Variants in GCC2 observed in about 807,000 individuals in gnomAD.
GCC2 encodes GRIP and coiled-coil domain-containing protein 2.
GCC2 carries 120 observed loss-of-function variants against 210.6 expected under a neutral mutation model. The ratio of observed to expected loss-of-function variants is 0.57; its 90% CI spans 0.49 to 0.66. GCC2 has a LOEUF of 0.66. Ranked by LOEUF, GCC2 falls within the 30% of genes least tolerant of loss-of-function variation. GCC2 has a pLI of 0.00. For missense variants in GCC2, 1,868 were observed against 1,871.9 expected, an observed-to-expected ratio of 1.00 and a Z score of 0.04; for synonymous variants, 703 against 652.7, an observed-to-expected ratio of 1.08 and a Z score of -1.17.
At chr2:108,500,829 C>T (rs1216051747) in intron 22 of GCC2, among the ~76,000 whole-genome samples, 1 of 152,166 alleles carries the variant, frequency 6.6e-6, no homozygotes, top group Non-Finnish European at 1.5e-5. Context: ...AAATCCCACA[C>T]ATCATTTCTT....
In GCC2 at chr2:108,507,900, C is replaced by A. The variant is rs13386343; in HGVS notation, c.*270C>A. On this transcript the variant is annotated 3_prime_UTR_variant, in exon 23 of 23. Transcript: ENST00000309863. ...AAACCACCAGGAATGAATTCACTCCCCACTTCTCTGGAACCTCAGGACCCG... is the reference window on the plus strand; with the variant it reads ...AAACCACCAGGAATGAATTCACTCCACACTTCTCTGGAACCTCAGGACCCG... 115,241 of 294,994 alleles carry A rather than the reference C, an allele frequency of 0.39. 25,401 individuals carry two copies. The highest frequency in any genetic ancestry group is 0.85 in the East Asian group (10,472 of 12,290). The allele number at this position is 294,994 out of a possible 1,614,324, so 18.3% of individuals were successfully genotyped here. A position where few individuals can be genotyped will look rare whatever the true frequency, so the allele number is the denominator to read the frequency against.
In GCC2 at chr2:108,456,778, C is replaced by T. The variant is rs1287543899; in HGVS notation, c.216+4312C>T. ...CCAGCCTGAGAAACATAGCAAGATC[C>T]GTTTCTACAAAAAAATATAAATTAG... On this transcript the variant is annotated intron_variant, in intron 4 of 22. Coordinates refer to ENST00000309863, the MANE Select transcript of GCC2 (RefSeq NM_181453.4). Among the ~76,000 whole-genome samples the T allele has an allele frequency of 2.6e-5, 4 of 151,846 alleles. 1 individual carries two copies. Among genetic ancestry groups the T allele is most frequent in the South Asian group, 4.2e-4 (2 of 4,806 alleles).
chr2:108,469,131 G>T (rs13424452), intron 5 of GCC2, 47 bp downstream of exon 5: 2 of 1,091,468 alleles, frequency 1.8e-6, no homozygotes, highest in African/African-American at 3.1e-5. Context: ...AACATATAGT[G>T]TAGTCATTAA....
intron 3 of GCC2, among the ~76,000 whole-genome samples, chr2:108,451,610 T>C (rs1250776708): frequency 6.6e-6 from 1 of 152,180 alleles, no homozygotes; most frequent in African/African-American, 2.4e-5. Flanking sequence ...TAGCACCTTT[T>C]TTTTTTAGTA....
In GCC2 at chr2:108,492,722, C is replaced by A; in HGVS notation, c.4379C>A (p.Thr1460Lys). 6.2e-7 allele frequency: 1 copy of A among 1,613,966 alleles called. No homozygotes were observed. Among genetic ancestry groups the A allele is most frequent in the South Asian group, 1.1e-5 (1 of 91,076 alleles). The change falls in exon 19 of 23, where the codon ACA becomes AAA. Residue 1460 changes from threonine (T) to lysine (K), a missense_variant. Physicochemically the swap from Thr to Lys is moderately conservative, Grantham distance 78. Transcript: ENST00000309863. ...GAAGAACACAGAAAGACAGTGGAGA[C>A]ATTACAGCAGCAGCTCTCCAAGATG... ...LQEEHRKTVE[T>K]LQQQLSKMEA...
chr2:108,501,769 T>G (rs888657278), intron 22 of GCC2, among the ~76,000 whole-genome samples: 6 of 152,222 alleles, frequency 3.9e-5, no homozygotes, highest in Non-Finnish European at 8.8e-5. Flanking sequence ...GCCCATACCT[T>G]GAGAACCCCT....
intron 4 of GCC2, among the ~76,000 whole-genome samples, chr2:108,463,376 A>G (rs573142737): frequency 1.3e-4 from 20 of 151,546 alleles, no homozygotes; most frequent in African/African-American, 4.6e-4. Context: ...TTTCCTGAAG[A>G]TGTATCTTTA....
chr2:108,471,574 C>T lies in GCC2; in HGVS notation c.2245C>T (p.Gln749Ter). The change falls in exon 6 of 23, where the codon CAA (glutamine) becomes TAA (stop). Residue 749 changes from glutamine to a stop codon, truncating the protein, a stop_gained. Transcript: ENST00000309863. LOFTEE classifies it high-confidence loss of function. The stretch of plus-strand genomic sequence containing the variant: ...TTTAAATAAACTGCTTGAAAATGAG[C>T]AAGTTCAGAAGTTATTTGTTAAAAC... ...DNLNKLLENE[Q>*]VQKLFVKTQL... The T allele has an allele frequency of 6.2e-7, 1 of 1,609,284 alleles. No homozygotes were observed. The highest frequency in any genetic ancestry group is 8.5e-7 in the Non-Finnish European group (1 of 1,178,402).
intron 17 of GCC2, among the ~76,000 whole-genome samples, 159 bp from the exon 18 acceptor site, chr2:108,489,679 T>A (rs1558754827): frequency 3.3e-5 from 2 of 60,826 alleles, no homozygotes; most frequent in Non-Finnish European, 8.4e-5. Flanking sequence ...AATATCTTTT[T>A]ATTATGTTTA....
At chr2:108,466,243 CTG>C (rs1680874285) in intron 4 of GCC2, among the ~76,000 whole-genome samples, 1 of 152,092 alleles carries the variant, frequency 6.6e-6, no homozygotes, top group Non-Finnish European at 1.5e-5. Flanking sequence ...GGTCTCTACT[CTG>C]TGGGCCAACA....
intron 2 of GCC2, chr2:108,450,094 A>G (rs185998412): frequency 1.1e-4 from 19 of 165,276 alleles, no homozygotes; most frequent in Admixed American, 4.9e-4. Flanking sequence ...TTAACATTCA[A>G]TCATTCTAAA....
chr2:108,475,950 A>G (rs1055659665), intron 9 of GCC2, 100 bp downstream of exon 9: 11 of 613,882 alleles, frequency 1.8e-5, no homozygotes, highest in Non-Finnish European at 2.5e-5. Flanking sequence ...CAACAAAACA[A>G]TCACCTTGTA....
chr2:108,451,454 G>A lies in GCC2; in HGVS notation c.148+342G>A, dbSNP rs146969797. On this transcript the variant is annotated intron_variant, in intron 3 of 22. Transcript: ENST00000309863. ...AAGAGAAGTCAGTTGAAATGTTAGA[G>A]ACAGAAGATAAGCCCAAAGAGATGG... 4.4e-3 allele frequency among the ~76,000 whole-genome samples: 670 copies of A among 152,284 alleles called. 3 individuals are homozygous for A. The highest frequency in any genetic ancestry group is 0.013 in the South Asian group (65 of 4,832).
chr2:108,489,781 C>T (rs1272222325), intron 17 of GCC2, 57 bp from the exon 18 acceptor site: 3 of 1,232,146 alleles, frequency 2.4e-6, no homozygotes, highest in African/African-American at 3.0e-5. Flanking sequence ...TATTTAAAAC[C>T]ACAAAATCAA....
intron 4 of GCC2, among the ~76,000 whole-genome samples, chr2:108,455,426 G>A (rs971570136): frequency 6.6e-5 from 10 of 151,652 alleles, no homozygotes; most frequent in African/African-American, 2.4e-4. Flanking sequence ...GCAACAGAGT[G>A]AGACTCCGTC....
intron 4 of GCC2, among the ~76,000 whole-genome samples, chr2:108,454,900 T>C (rs922003664): frequency 4.6e-5 from 7 of 152,136 alleles, no homozygotes; most frequent in Non-Finnish European, 7.4e-5. Context: ...TGGGGGATTT[T>C]TTTTTTTCTT....
At chr2:108,472,478 A>G (rs1382882094) in intron 6 of GCC2, among the ~76,000 whole-genome samples, 1 of 152,180 alleles carries the variant, frequency 6.6e-6, no homozygotes, top group Non-Finnish European at 1.5e-5. Flanking sequence ...CTTTTTAAGT[A>G]AGAGCTGTGG....
At position 108,470,724 on chromosome 2, in the gene GCC2, G is replaced by T; in HGVS notation, c.1395G>T (p.Gln465His). Residue 465 changes from glutamine to histidine, a missense_variant, in exon 6 of 23, where the codon CAG (glutamine) becomes CAT (histidine). Coordinates refer to ENST00000309863, the MANE Select transcript of GCC2 (RefSeq NM_181453.4). ...LMFEIQGLKE[Q>H]CENLQQEKQE... ...TTGAAATACAGGGTCTTAAGGAACA[G>T]TGTGAAAACCTACAGCAAGAAAAGC... The T allele has an allele frequency of 1.2e-6, 2 of 1,612,806 alleles. No homozygotes were observed. Among genetic ancestry groups the T allele is most frequent in the Non-Finnish European group, 1.7e-6 (2 of 1,179,528 alleles).
intron 3 of GCC2, among the ~76,000 whole-genome samples, chr2:108,451,768 G>T (rs1679956904): frequency 6.6e-6 from 1 of 151,374 alleles, no homozygotes; most frequent in African/African-American, 2.4e-5. Flanking sequence ...TATTTGGAAA[G>T]AAGTTCTAGG....
Sources: allele counts gnomAD v4.1 joint callset (sites outside exome capture counted in the v4.1 genomes callset), GRCh38; gene constraint gnomAD v4.1.1; transcripts MANE v1.5; gene names NCBI Gene and HGNC (gene_info 2026-07-23, HGNC 2026-07-21).